The following SEC24B variants were observed in gnomAD, a reference collection of about 807,000 sequenced individuals.
SEC24B encodes the protein protein transport protein Sec24B.
In SEC24B, 45 loss-of-function variants were observed where a neutral mutation model predicts 142.8. That is an observed-to-expected ratio of 0.32 (90% confidence interval 0.25 to 0.40). The LOEUF is 0.40. Ranked by LOEUF, SEC24B falls within the 10% of genes least tolerant of loss-of-function variation. The pLI is 1.00. For synonymous variants in SEC24B, 574 were observed against 568.2 expected (o/e 1.01, Z -0.15); for missense variants, 1,409 against 1,526.8 (o/e 0.92, Z 1.29).
Position 109,466,465 on chromosome 4 carries a change from C to T in SEC24B, c.877+2821C>T, listed in dbSNP as rs534262428. ...TCGCTCTGTCACCCAGGCTGGAGTGCAGTGGCGCCATCTCAGCTCACTGCA... is the reference window on the plus strand; with the variant it reads ...TCGCTCTGTCACCCAGGCTGGAGTGTAGTGGCGCCATCTCAGCTCACTGCA... On this transcript the variant is annotated intron_variant, in intron 2 of 23. Transcript: ENST00000265175. Among the ~76,000 whole-genome samples the T allele has an allele frequency of 9.2e-5, 14 of 152,360 alleles. No individual in the cohort carries two copies. The East Asian group carries it at 2.7e-3, about 29-fold the overall frequency.
intron 1 of SEC24B, among the ~76,000 whole-genome samples, chr4:109,453,157 T>A (rs1356026692): frequency 6.6e-6 from 1 of 152,180 alleles, no homozygotes; most frequent in Non-Finnish European, 1.5e-5. Context: ...AGAGATCCCA[T>A]GCTTTAAGGG....
intron 4 of SEC24B, among the ~76,000 whole-genome samples, chr4:109,487,774 C>A (rs958626838): frequency 1.3e-5 from 2 of 152,064 alleles, no homozygotes; most frequent in Admixed American, 6.6e-5. Flanking sequence ...GACAGGTTCA[C>A]AAATAGAGAT....
At chr4:109,483,077 TG>T (rs965347811) in intron 4 of SEC24B, among the ~76,000 whole-genome samples, 6 of 144,534 alleles carry the variant, frequency 4.2e-5, no homozygotes, top group Non-Finnish European at 9.0e-5. Flanking sequence ...TATATATGTA[TG>T]TATATATATA....
intron 2 of SEC24B, among the ~76,000 whole-genome samples, chr4:109,468,040 TG>T (rs1395254596): frequency 6.6e-6 from 1 of 152,230 alleles, no homozygotes; most frequent in Non-Finnish European, 1.5e-5. Flanking sequence ...CATCTCTGGT[TG>T]GTAATGTGCC....
At chr4:109,537,813 C>T (rs372218276) in intron 22 of SEC24B, among the ~76,000 whole-genome samples, 7 of 151,890 alleles carry the variant, frequency 4.6e-5, no homozygotes, top group South Asian at 2.1e-4. Flanking sequence ...AAATATTGAC[C>T]GGAATTACAA....
rs1221965282 is a variant in SEC24B, at chr4:109,520,366, G to A, written c.2127G>A (p.Lys709=). 3.8e-6 allele frequency: 6 copies of A among 1,570,804 alleles called. No individual in the cohort carries two copies. Among genetic ancestry groups the A allele is most frequent in the African/African-American group, 1.4e-5 (1 of 73,654 alleles). Residue 709 remains lysine, a splice_region_variant and synonymous_variant, in exon 12 of 24, where the codon AAG becomes AAA. Transcript: ENST00000265175. ...LCQSLLENLD[K]LPGDSRTRIG... ...TTAAAATTGTCATTTTTATCTTTAGGCTTCCTGGAGATTCACGAACAAGAA... is the reference window on the plus strand; with the variant it reads ...TTAAAATTGTCATTTTTATCTTTAGACTTCCTGGAGATTCACGAACAAGAA...
intron 16 of SEC24B, among the ~76,000 whole-genome samples, 200 bp downstream of exon 16, chr4:109,525,704 A>T (rs993997863): frequency 6.6e-6 from 1 of 152,130 alleles, no homozygotes; most frequent in Non-Finnish European, 1.5e-5. Flanking sequence ...GACAAAAGTA[A>T]TGTTTGATTT....
At chr4:109,495,590 C>T (rs1425784989) in intron 6 of SEC24B, among the ~76,000 whole-genome samples, 1 of 152,204 alleles carries the variant, frequency 6.6e-6, no homozygotes, top group Admixed American at 6.5e-5. Context: ...TCTTATTTAC[C>T]TAGGGCTCGC....
chr4:109,534,574 G>A (rs1027185772), intron 22 of SEC24B, among the ~76,000 whole-genome samples: 3 of 151,944 alleles, frequency 2.0e-5, no homozygotes, highest in East Asian at 1.9e-4. Flanking sequence ...GTGACACAGC[G>A]AGACTCCAAC....
intron 11 of SEC24B, among the ~76,000 whole-genome samples, 158 bp downstream of exon 11, chr4:109,516,798 C>T (rs1201717057): frequency 2.0e-5 from 3 of 152,028 alleles, no homozygotes; most frequent in African/African-American, 7.3e-5. Flanking sequence ...TGCAGATACT[C>T]GAGTTATGAT....
rs1340868762 is a variant in SEC24B at position 109,524,844 on chromosome 4, T to G, written c.2535T>G (p.Thr845=). The G allele has an allele frequency of 6.2e-7, 1 of 1,612,354 alleles. No homozygotes were observed. The highest frequency in any genetic ancestry group is 2.2e-5 in the East Asian group (1 of 44,752). The change falls in exon 15 of 24, where the codon ACT becomes ACG. Residue 845 remains threonine, a synonymous_variant. Coordinates refer to ENST00000265175, the MANE Select transcript of SEC24B (RefSeq NM_006323.5). The stretch of plus-strand genomic sequence containing the variant: ...TGGTACAACATCTTGGCCCTGCAAC[T>G]GATTTTTATAAGAAACTTGCATTAG... ...TKVVQHLGPA[T]DFYKKLALDC...
In SEC24B at chr4:109,525,504, G is replaced by A. The variant is rs1307371650; in HGVS notation, c.2791G>A (p.Gly931Ser). 1 of 1,586,892 alleles carries A rather than the reference G, an allele frequency of 6.3e-7. No individual in the cohort carries two copies. The highest frequency in any genetic ancestry group is 8.6e-7 in the Non-Finnish European group (1 of 1,169,116). Residue 931 changes from glycine to serine, a missense_variant and splice_region_variant, in exon 16 of 24, where the codon GGT becomes AGT. By Grantham distance (56) the Gly-to-Ser change is moderately conservative. This residue lies in a region of SEC24B where 700 missense variants were observed against 853.3 expected (regional missense o/e 0.82). Coordinates refer to ENST00000265175, the MANE Select transcript of SEC24B (RefSeq NM_006323.5). ...EAVMRIRCTK[G>S]LSMHTFHGNF... ...TGTTATGAGAATAAGGTGTACTAAA[G>A]GTATGAAGTTGTAAAAGTTATATTT...
intron 8 of SEC24B, among the ~76,000 whole-genome samples, chr4:109,511,145 TGA>T (rs1291789475): frequency 6.6e-6 from 1 of 151,806 alleles, no homozygotes; most frequent in Non-Finnish European, 1.5e-5. Flanking sequence ...TGTATATATA[TGA>T]GAGAGTTTTT....
intron 10 of SEC24B, among the ~76,000 whole-genome samples, chr4:109,515,614 C>G (rs1722762313): frequency 6.6e-6 from 1 of 152,136 alleles, no homozygotes; most frequent in Non-Finnish European, 1.5e-5. Context: ...CAGGCATGAG[C>G]CACTGCACCT....
chr4:109,486,375 C>CCCAT (rs1734354498), intron 4 of SEC24B, among the ~76,000 whole-genome samples: 1 of 152,120 alleles, frequency 6.6e-6, no homozygotes, highest in South Asian at 2.1e-4. Flanking sequence ...CCTTTGTTGA[C>CCCAT]CCATATTGCT....
chr4:109,494,130 G>GCAAA (rs909315281), intron 5 of SEC24B, among the ~76,000 whole-genome samples: 69 of 152,178 alleles, frequency 4.5e-4, no homozygotes, highest in African/African-American at 1.6e-3. Flanking sequence ...CTTTGTGTGT[G>GCAAA]CGTTTGTGTG....
Position 109,462,923 on chromosome 4 carries a change from G to C in SEC24B, c.156G>C (p.Gln52His), listed in dbSNP as rs746575147. 10 of 1,609,636 alleles carry C rather than the reference G, an allele frequency of 6.2e-6. No homozygotes were observed. The highest frequency in any genetic ancestry group is 7.6e-6 in the Non-Finnish European group (9 of 1,179,660). The change falls in exon 2 of 24, where the codon CAG becomes CAC. Residue 52 changes from glutamine (Q) to histidine (H), a missense_variant. This residue lies in a region of SEC24B where 709 missense variants were observed against 673.5 expected (regional missense o/e 1.05). Transcript: ENST00000265175. The part of the protein sequence containing the change: ...QQNGPAQNQM[Q>H]VPSGYGLHHQ... ...CAGGTCCAGCCCAGAATCAAATGCAGGTTCCATCTGGATATGGATTGCATC... is the reference window on the plus strand; with the variant it reads ...CAGGTCCAGCCCAGAATCAAATGCACGTTCCATCTGGATATGGATTGCATC...
chr4:109,454,725 T>C (rs956573504), intron 1 of SEC24B, among the ~76,000 whole-genome samples: 19 of 152,110 alleles, frequency 1.2e-4, no homozygotes, highest in Non-Finnish European at 1.0e-4. Context: ...ACTGGAACCT[T>C]TTTTCCCCAA....
intron 2 of SEC24B, among the ~76,000 whole-genome samples, chr4:109,466,367 C>A (rs866214908): frequency 5.9e-5 from 9 of 152,184 alleles, no homozygotes; most frequent in African/African-American, 2.2e-4. Context: ...ATTATATTTT[C>A]ACATTAAAAT....
Sources: gnomAD v4.1 joint callset for allele counts (sites outside exome capture counted in the v4.1 genomes callset) on GRCh38, gnomAD v4.1.1 for gene constraint, gnomAD v4.1.1 regional missense constraint, MANE v1.5 for transcripts, NCBI Gene and HGNC (gene_info 2026-07-23, HGNC 2026-07-21) for gene names.